FRMD5: variants seen among roughly 807,000 people sequenced by gnomAD.
FRMD5 encodes the protein FERM domain-containing protein 5.
FRMD5 carries 20 observed loss-of-function variants against 69.0 expected under a neutral mutation model. That is an observed-to-expected ratio of 0.29 (90% CI 0.20 to 0.42). The LOEUF (loss-of-function observed/expected upper bound fraction) is 0.42, where lower values mean the gene tolerates loss of function less well. Ranked by LOEUF, FRMD5 falls within the 10% of genes least tolerant of loss-of-function variation. FRMD5 has a pLI of 1.00. For synonymous variants in FRMD5, 271 were observed against 260.1 expected, an observed-to-expected ratio of 1.04 and a Z score of -0.40; for missense variants, 595 against 708.6, an observed-to-expected ratio of 0.84 and a Z score of 1.82.
At chr15:44,197,664 G>T (rs997858870), upstream of FRMD5, among the ~76,000 whole-genome samples, 2 of 126,960 alleles carry the variant, frequency 1.6e-5, no homozygotes, top group Non-Finnish European at 3.1e-5. Flanking sequence ...CTGGGAGACA[G>T]CGAGACTCCA....
chr15:44,153,102 A>C (rs2077472255), intron 1 of FRMD5, among the ~76,000 whole-genome samples: 1 of 152,338 alleles, frequency 6.6e-6, no homozygotes, highest in East Asian at 1.9e-4. Context: ...ACTCTTATGC[A>C]CTATTGGTGG....
At chr15:43,990,785 T>C (rs1409126480) in intron 1 of FRMD5, among the ~76,000 whole-genome samples, 1 of 152,102 alleles carries the variant, frequency 6.6e-6, no homozygotes, top group Non-Finnish European at 1.5e-5. Context: ...AGAAAAACTG[T>C]TTAAGGAACT....
chr15:44,114,690 T>C (rs189797804), intron 1 of FRMD5, among the ~76,000 whole-genome samples: 16 of 152,336 alleles, frequency 1.1e-4, no homozygotes, highest in Middle Eastern at 3.4e-3. Flanking sequence ...CAGAATTATA[T>C]ACACTTTTAA....
intron 1 of FRMD5, among the ~76,000 whole-genome samples, chr15:44,158,231 T>A (rs901373664): frequency 2.6e-5 from 4 of 152,182 alleles, no homozygotes; most frequent in Non-Finnish European, 5.9e-5. Context: ...AAACTACTAC[T>A]GTGAGAACTT....
At chr15:43,948,307 G>A (rs2089977863) in intron 1 of FRMD5, among the ~76,000 whole-genome samples, 2 of 152,168 alleles carry the variant, frequency 1.3e-5, no homozygotes, top group Non-Finnish European at 2.9e-5. Flanking sequence ...GCTGCTGCCT[G>A]GGAAACTGTT....
intron 1 of FRMD5, among the ~76,000 whole-genome samples, chr15:44,096,395 C>T (rs974433932): frequency 2.9e-4 from 43 of 149,266 alleles, no homozygotes; most frequent in Admixed American, 1.3e-3. Flanking sequence ...CAATCTAGTA[C>T]GGTGTATCTT....
Position 43,884,700 on chromosome 15 carries a change from T to C in FRMD5, c.1028+27A>G, listed in dbSNP as rs781012870. On this transcript the variant is annotated intron_variant, in intron 12 of 13. Coordinates refer to ENST00000417257, the MANE Select transcript of FRMD5 (RefSeq NM_032892.5). ...GATTCTGGGATCTGAGCTACAACTGTTTGGGGGGAAGCCCCTGGCAGCCTA... is the reference window on the plus strand; with the variant it reads ...GATTCTGGGATCTGAGCTACAACTGCTTGGGGGGAAGCCCCTGGCAGCCTA... 4 of 1,605,722 alleles carry C rather than the reference T, an allele frequency of 2.5e-6. No individual in the cohort carries two copies. The South Asian group carries it at 3.3e-5, about 13-fold the overall frequency.
chr15:43,902,789 T>C (rs1252470352), intron 6 of FRMD5, among the ~76,000 whole-genome samples: 2 of 151,844 alleles, frequency 1.3e-5, no homozygotes, highest in African/African-American at 2.4e-5. Flanking sequence ...CAATTTAAAA[T>C]ACTATGGGGT....
chr15:43,973,711 C>A (rs2090422712), intron 1 of FRMD5, among the ~76,000 whole-genome samples: 1 of 152,046 alleles, frequency 6.6e-6, no homozygotes, highest in Admixed American at 6.6e-5. Context: ...GCATGATACT[C>A]CAAATATACT....
intron 1 of FRMD5, among the ~76,000 whole-genome samples, chr15:44,043,555 T>C (rs879034275): frequency 3.3e-5 from 5 of 152,156 alleles, no homozygotes; most frequent in African/African-American, 7.2e-5. Context: ...AAAAACAGCA[T>C]GGTACTGGTA....
chr15:44,192,771 T>C (rs1304444488), intron 1 of FRMD5, among the ~76,000 whole-genome samples: 3 of 152,202 alleles, frequency 2.0e-5, no homozygotes, highest in Non-Finnish European at 4.4e-5. Flanking sequence ...TGCCAAAGAA[T>C]GACAACATTA....
At chr15:44,125,028 T>C (rs1280395472) in intron 1 of FRMD5, among the ~76,000 whole-genome samples, 1 of 152,156 alleles carries the variant, frequency 6.6e-6, no homozygotes, top group African/African-American at 2.4e-5. Context: ...GTTTTGTTTT[T>C]ATTGTATTGT....
At chr15:44,178,717 G>A (rs369424271) in intron 1 of FRMD5, among the ~76,000 whole-genome samples, 3 of 152,070 alleles carry the variant, frequency 2.0e-5, no homozygotes, top group Admixed American at 6.6e-5. Context: ...AGTCTAGGCC[G>A]GGTACGGTGG....
chr15:44,124,137 C>T (rs932042836), intron 1 of FRMD5, among the ~76,000 whole-genome samples: 15 of 151,938 alleles, frequency 9.9e-5, no homozygotes, highest in Non-Finnish European at 2.2e-4. Flanking sequence ...GGATTACAAG[C>T]ACTCACCACC....
At chr15:44,190,501 G>GAA (rs757343154) in intron 1 of FRMD5, among the ~76,000 whole-genome samples, 17,935 of 152,090 alleles carry the variant, frequency 0.12, 2,522 homozygotes, top group African/African-American at 0.34. Flanking sequence ...GAGGCAGGGG[G>GAA]ACCTGAAAGT....
In FRMD5 at chr15:44,027,651, GT is replaced by G. The variant is rs759567597; in HGVS notation, c.103-103343del. Among the ~76,000 whole-genome samples the G allele has an allele frequency of 3.8e-3, 278 of 73,940 alleles. 3 individuals are homozygous for G. Among genetic ancestry groups the G allele is most frequent in the Non-Finnish European group, 7.3e-3 (204 of 27,862 alleles). 48.5% of individuals were successfully genotyped at this position (73,940 alleles called of 152,430 possible). A position where few individuals can be genotyped will look rare whatever the true frequency, so the allele number is the denominator to read the frequency against. On this transcript the variant is annotated intron_variant, in intron 1 of 13. Coordinates refer to ENST00000417257, the MANE Select transcript of FRMD5 (RefSeq NM_032892.5). Reference sequence around the variant, plus strand: ...ACTTTCTTTTCTAGTTTTTTTTTTTGTTTTTTTTTTTTTTTCCGAGACAGAG... The same window carrying G: ...ACTTTCTTTTCTAGTTTTTTTTTTTGTTTTTTTTTTTTTTCCGAGACAGAG...
At chr15:43,989,835 G>A in intron 1 of FRMD5, 2 of 1,028,156 alleles carry the variant, frequency 1.9e-6, no homozygotes, top group South Asian at 2.5e-5. Context: ...TCATCTTCTT[G>A]TGGTTGGCCT....
At chr15:44,062,929 G>T (rs1042396079) in intron 1 of FRMD5, among the ~76,000 whole-genome samples, 9 of 152,166 alleles carry the variant, frequency 5.9e-5, no homozygotes, top group Admixed American at 2.6e-4. Context: ...CTGTATATAT[G>T]TGGGTCCATT....
intron 1 of FRMD5, among the ~76,000 whole-genome samples, chr15:44,132,003 T>C (rs2077106715): frequency 6.6e-6 from 1 of 152,164 alleles, no homozygotes; most frequent in South Asian, 2.1e-4. Flanking sequence ...GTAGAAGCAG[T>C]AGGAGCCCTG....
Sources: allele counts gnomAD v4.1 joint callset (sites outside exome capture counted in the v4.1 genomes callset), GRCh38; gene constraint gnomAD v4.1.1; transcripts MANE v1.5; gene names NCBI Gene and HGNC (gene_info 2026-07-23, HGNC 2026-07-21).